Variants in AFG1L observed in about 807,000 individuals in gnomAD.
The protein encoded by AFG1L is AFG1-like ATPase.
Under a neutral mutation model 62.2 loss-of-function variants are expected in AFG1L, and 53 were observed. The ratio of observed to expected loss-of-function variants is 0.85; its 90% CI spans 0.68 to 1.07. AFG1L has a LOEUF of 1.07. Among genes scored for constraint, AFG1L ranks in the 50% least tolerant of loss-of-function variants. The probability of loss-of-function intolerance (pLI) is 0.00; values close to 1 mark genes in which losing one functional copy is unlikely to be tolerated. For missense variants in AFG1L, 555 were observed against 590.5 expected (o/e 0.94, Z 0.62); for synonymous variants, 228 against 210.3 (o/e 1.08, Z -0.73).
intron 2 of AFG1L, among the ~76,000 whole-genome samples, chr6:108,327,703 T>C (rs1378254348): frequency 1.3e-5 from 2 of 152,224 alleles, no homozygotes; most frequent in Non-Finnish European, 2.9e-5. Flanking sequence ...GATGCAAGCA[T>C]TGAGACCATA....
At chr6:108,415,553 G>T (rs1409245128) in intron 7 of AFG1L, among the ~76,000 whole-genome samples, 2 of 152,162 alleles carry the variant, frequency 1.3e-5, no homozygotes, top group East Asian at 3.9e-4. Context: ...AAACAGCATG[G>T]TGCTGGTACC....
At chr6:108,366,369 G>A (rs765135643) in intron 6 of AFG1L, 37 bp downstream of exon 6, 12 of 1,278,300 alleles carry the variant, frequency 9.4e-6, no homozygotes, top group Non-Finnish European at 1.4e-5. Flanking sequence ...ATCCAATTAG[G>A]TGGAAACTAA....
chr6:108,346,957 T>C (rs1361436413), intron 2 of AFG1L, 31 bp from the exon 3 acceptor site: 1 of 1,533,332 alleles, frequency 6.5e-7, no homozygotes, highest in Non-Finnish European at 9.0e-7. Context: ...ATTTGCATGG[T>C]AGAGATTTAT....
chr6:108,376,336 T>C (rs1018105350), intron 6 of AFG1L, among the ~76,000 whole-genome samples: 2 of 152,162 alleles, frequency 1.3e-5, no homozygotes, highest in Non-Finnish European at 2.9e-5. Context: ...ATTTTAGTTT[T>C]CTTCTGCTAG....
chr6:108,330,903 G>C (rs539186907), intron 2 of AFG1L, among the ~76,000 whole-genome samples: 2 of 152,150 alleles, frequency 1.3e-5, no homozygotes, highest in Non-Finnish European at 2.9e-5. Flanking sequence ...CAGATATTCT[G>C]TTATAAGCGA....
intron 10 of AFG1L, among the ~76,000 whole-genome samples, chr6:108,500,632 G>A (rs535964424): frequency 2.6e-4 from 40 of 152,272 alleles, no homozygotes; most frequent in African/African-American, 9.1e-4. Flanking sequence ...ATAAACGTGA[G>A]TGCAGGTGTC....
intron 10 of AFG1L, among the ~76,000 whole-genome samples, chr6:108,497,199 TC>T (rs1453260099): frequency 1.3e-5 from 2 of 152,184 alleles, no homozygotes; most frequent in Non-Finnish European, 2.9e-5. Context: ...GATTTGCTCT[TC>T]CAGCAGCGAT....
intron 6 of AFG1L, among the ~76,000 whole-genome samples, chr6:108,375,440 G>A (rs1463991588): frequency 6.6e-6 from 1 of 152,104 alleles, no homozygotes; most frequent in Non-Finnish European, 1.5e-5. Flanking sequence ...TGCCCATTTA[G>A]TATGATGTTG....
intron 2 of AFG1L, among the ~76,000 whole-genome samples, chr6:108,343,391 A>G (rs1778753581): frequency 6.6e-6 from 1 of 151,856 alleles, no homozygotes; most frequent in Non-Finnish European, 1.5e-5. Context: ...CTCTCCATGC[A>G]ATCTTTCCCC....
intron 6 of AFG1L, among the ~76,000 whole-genome samples, chr6:108,379,765 G>C (rs1161210286): frequency 6.6e-6 from 1 of 152,232 alleles, no homozygotes; most frequent in Non-Finnish European, 1.5e-5. Flanking sequence ...GGGTGCTCCA[G>C]ATGCCTGGCG....
intron 2 of AFG1L, among the ~76,000 whole-genome samples, chr6:108,333,535 A>G (rs887678294): frequency 1.3e-5 from 2 of 152,182 alleles, no homozygotes; most frequent in Non-Finnish European, 2.9e-5. Flanking sequence ...GCTTGAGGCC[A>G]GGAGTTTGAG....
chr6:108,347,627 T>G (rs1046938645), intron 3 of AFG1L, among the ~76,000 whole-genome samples: 1 of 152,190 alleles, frequency 6.6e-6, no homozygotes, highest in Non-Finnish European at 1.5e-5. Context: ...ATGTAGTGTC[T>G]TGCTTATGAA....
chr6:108,374,636 G>A (rs936628066), intron 6 of AFG1L, among the ~76,000 whole-genome samples: 1 of 152,086 alleles, frequency 6.6e-6, no homozygotes, highest in African/African-American at 2.4e-5. Flanking sequence ...ATATCAAATG[G>A]CTTTAGGTGT....
At chr6:108,402,994 ATTAATT>A (rs1781697520) in intron 7 of AFG1L, among the ~76,000 whole-genome samples, 1 of 152,056 alleles carries the variant, frequency 6.6e-6, no homozygotes. Context: ...CTTTTTTACT[ATTAATT>A]TTAAGTAATA....
intron 10 of AFG1L, among the ~76,000 whole-genome samples, chr6:108,502,107 A>T (rs1181145548): frequency 6.6e-6 from 1 of 151,998 alleles, no homozygotes; most frequent in Non-Finnish European, 1.5e-5. Context: ...GCTCACTGCA[A>T]CCTCTGCCTC....
chr6:108,481,447 C>T (rs1253857913), intron 10 of AFG1L, among the ~76,000 whole-genome samples: 1 of 152,140 alleles, frequency 6.6e-6, no homozygotes, highest in East Asian at 1.9e-4. Context: ...TCTAAACTCT[C>T]TGTAACACTT....
intron 10 of AFG1L, among the ~76,000 whole-genome samples, chr6:108,491,878 A>T (rs1188529963): frequency 1.3e-5 from 2 of 152,134 alleles, no homozygotes; most frequent in Non-Finnish European, 2.9e-5. Context: ...TTCAATATCC[A>T]CTTCTTTTCC....
intron 10 of AFG1L, among the ~76,000 whole-genome samples, chr6:108,509,479 A>G (rs1480144510): frequency 1.3e-5 from 2 of 152,274 alleles, no homozygotes; most frequent in African/African-American, 2.4e-5. Context: ...AATCTTCAGC[A>G]TGCCATTATC....
chr6:108,455,733 G>A (rs749511170), intron 8 of AFG1L, among the ~76,000 whole-genome samples: 8 of 151,952 alleles, frequency 5.3e-5, no homozygotes, highest in Non-Finnish European at 8.8e-5. Context: ...CTTTCTGAAC[G>A]TTTGGTGATT....
Sources: gnomAD v4.1 joint callset for allele counts (sites outside exome capture counted in the v4.1 genomes callset) on GRCh38, gnomAD v4.1.1 for gene constraint, MANE v1.5 for transcripts, NCBI Gene and HGNC (gene_info 2026-07-23, HGNC 2026-07-21) for gene names.